The following ELAPOR2 variants were observed in gnomAD, a reference collection of about 807,000 sequenced individuals.
The protein encoded by ELAPOR2 is endosome-lysosome associated apoptosis and autophagy regulator family member 2.
ELAPOR2 carries 89 observed loss-of-function variants against 120.7 expected under a neutral mutation model. The ratio of observed to expected loss-of-function variants is 0.74; its 90% CI spans 0.62 to 0.88. The LOEUF (loss-of-function observed/expected upper bound fraction) is 0.88, where lower values mean the gene tolerates loss of function less well. ELAPOR2 is among the 40% of genes least tolerant of loss of function. The pLI, the probability that ELAPOR2 is intolerant of heterozygous loss-of-function variation, is 0.00. For synonymous variants in ELAPOR2, 444 were observed against 444.9 expected, an observed-to-expected ratio of 1.00 and a Z score of 0.03; for missense variants, 1,134 against 1,251.6, an observed-to-expected ratio of 0.91 and a Z score of 1.42.
In ELAPOR2 at chr7:86,938,274, G is replaced by A; in HGVS notation, c.1001-60C>T. 4 of 1,265,136 alleles carry A rather than the reference G, an allele frequency of 3.2e-6. No individual in the cohort carries two copies. In the Admixed American group the frequency reaches 8.7e-5, roughly 28 times the overall value. 78.4% of individuals were successfully genotyped at this position (1,265,136 alleles called of 1,614,324 possible). ...AATTATTTTGCAACTCTAAGAAAAG[G>A]CAAAAAAGCAAAACAGAAAAAGCAA... On this transcript the variant is annotated intron_variant, in intron 7 of 21. Transcript: ENST00000450689.
chr7:86,973,205 T>C (rs756237017), intron 1 of ELAPOR2, among the ~76,000 whole-genome samples: 1 of 152,180 alleles, frequency 6.6e-6, no homozygotes, highest in East Asian at 1.9e-4. Flanking sequence ...GACTTACCAT[T>C]GGCCTGAGGA....
intron 11 of ELAPOR2, 107 bp downstream of exon 11, chr7:86,919,113 A>C (rs1010671540): frequency 1.5e-6 from 1 of 687,574 alleles, no homozygotes; most frequent in African/African-American, 1.8e-5. Flanking sequence ...TTTACTAAGT[A>C]TTTTTGTAAT....
intron 2 of ELAPOR2, among the ~76,000 whole-genome samples, chr7:86,963,099 C>G (rs1218704613): frequency 3.3e-5 from 5 of 151,946 alleles, no homozygotes; most frequent in Admixed American, 2.0e-4. Context: ...AAAAAATGTC[C>G]CAGCCAAAAG....
chr7:86,984,708 C>A (rs1792647146), intron 1 of ELAPOR2, among the ~76,000 whole-genome samples: 1 of 152,144 alleles, frequency 6.6e-6, no homozygotes, highest in Non-Finnish European at 1.5e-5. Context: ...AAATTTATAG[C>A]ACTAAATGCC....
At chr7:87,014,271 C>T (rs904561270) in intron 1 of ELAPOR2, among the ~76,000 whole-genome samples, 2 of 152,050 alleles carry the variant, frequency 1.3e-5, no homozygotes, top group Non-Finnish European at 2.9e-5. Context: ...AATCTGCTGA[C>T]AAAAATAAGA....
At chr7:86,907,612 CAT>C in intron 18 of ELAPOR2, 56 bp downstream of exon 18, 1 of 1,018,404 alleles carries the variant, frequency 9.8e-7, no homozygotes, top group Non-Finnish European at 1.5e-6. Flanking sequence ...AAAATAGTAA[CAT>C]TCTGGAGAGT....
rs566663716 is a variant in ELAPOR2, at chr7:87,011,756, AT to A, written c.190-46733del. Among the ~76,000 whole-genome samples, 41 of 152,314 alleles carry A rather than the reference AT, an allele frequency of 2.7e-4. No homozygotes were observed. In the South Asian group the frequency reaches 5.2e-3, roughly 19 times the overall value. On this transcript the variant is annotated intron_variant, in intron 1 of 21. Transcript: ENST00000450689. ...TTTCATATTTCTTTACTTTCTAACA[AT>A]ATTAAAGGTATATTTATAGGAGGGG...
At chr7:86,921,513 A>G (rs1789827877) in intron 10 of ELAPOR2, among the ~76,000 whole-genome samples, 1 of 152,066 alleles carries the variant, frequency 6.6e-6, no homozygotes, top group Non-Finnish European at 1.5e-5. Context: ...ATATTCCCCT[A>G]AAGGCTTCAG....
At chr7:87,040,847 A>G (rs919760305) in intron 1 of ELAPOR2, among the ~76,000 whole-genome samples, 32 of 152,154 alleles carry the variant, frequency 2.1e-4, no homozygotes, top group African/African-American at 7.7e-4. Flanking sequence ...CCAAAGGCAA[A>G]GAAGTTGAAA....
At chr7:87,029,063 A>C (rs1794342394) in intron 1 of ELAPOR2, among the ~76,000 whole-genome samples, 1 of 152,170 alleles carries the variant, frequency 6.6e-6, no homozygotes, top group Admixed American at 6.6e-5. Context: ...AGATAGACAC[A>C]CATCCCTATA....
At chr7:86,881,734 G>A (rs1799416224) in intron 21 of ELAPOR2, among the ~76,000 whole-genome samples, 1 of 152,152 alleles carries the variant, frequency 6.6e-6, no homozygotes, top group Non-Finnish European at 1.5e-5. Flanking sequence ...AATTGTTAGA[G>A]AAAGCTTTCT....
At chr7:87,025,844 G>A (rs1350122166) in intron 1 of ELAPOR2, among the ~76,000 whole-genome samples, 2 of 149,194 alleles carry the variant, frequency 1.3e-5, no homozygotes, top group Non-Finnish European at 3.0e-5. Context: ...TATTTTTGAA[G>A]GAGCTAATTA....
At chr7:86,986,084 T>C (rs1157362895) in intron 1 of ELAPOR2, among the ~76,000 whole-genome samples, 3 of 150,692 alleles carry the variant, frequency 2.0e-5, no homozygotes, top group Admixed American at 6.6e-5. Context: ...GAGAAAGAAA[T>C]AAAGGGTATT....
intron 1 of ELAPOR2, among the ~76,000 whole-genome samples, chr7:86,993,246 A>AAAAAAG (rs796528835): frequency 0.044 from 6,355 of 143,826 alleles, 344 homozygotes; most frequent in African/African-American, 0.099. Context: ...AAAAAAAAAA[A>AAAAAAG]AAAAGAAAAA....
intron 1 of ELAPOR2, among the ~76,000 whole-genome samples, chr7:87,005,780 G>T (rs773251348): frequency 5.3e-5 from 8 of 152,132 alleles, no homozygotes; most frequent in Non-Finnish European, 1.2e-4. Context: ...TTCAAGGTGG[G>T]TCATAGGCTT....
At chr7:86,948,022 C>G in intron 2 of ELAPOR2, 100 bp from the exon 3 acceptor site, 1 of 793,266 alleles carries the variant, frequency 1.3e-6, no homozygotes, top group Non-Finnish European at 2.0e-6. Flanking sequence ...TCTGATTGTG[C>G]CACACTCAAA....
chr7:86,909,681 C>T, intron 16 of ELAPOR2, 131 bp downstream of exon 16: 1 of 753,802 alleles, frequency 1.3e-6, no homozygotes, highest in Admixed American at 2.9e-5. Flanking sequence ...AACCATCTTA[C>T]AAAGTGACAA....
chr7:86,938,429 C>T (rs1790656693), intron 7 of ELAPOR2, among the ~76,000 whole-genome samples: 2 of 152,008 alleles, frequency 1.3e-5, no homozygotes, highest in Admixed American at 1.3e-4. Flanking sequence ...AGTAGTATAT[C>T]ACAGTTTTTC....
At position 87,036,301 on chromosome 7, in the gene ELAPOR2, C is replaced by T. The variant is rs73198585; in HGVS notation, c.189+23024G>A. Reference sequence around the variant, plus strand: ...CCAGCCTGGGCAACAGGGTGAAACCCTGTCTATACAAAATAATAATAATAA... The same window carrying T: ...CCAGCCTGGGCAACAGGGTGAAACCTTGTCTATACAAAATAATAATAATAA... On this transcript the variant is annotated intron_variant, in intron 1 of 21. Transcript: ENST00000450689. Among the ~76,000 whole-genome samples the T allele has an allele frequency of 4.9e-3, 743 of 151,948 alleles. 4 individuals are homozygous for T. Among genetic ancestry groups the T allele is most frequent in the Non-Finnish European group, 7.6e-3 (518 of 67,876 alleles).
Sources: allele counts gnomAD v4.1 joint callset (sites outside exome capture counted in the v4.1 genomes callset), GRCh38; gene constraint gnomAD v4.1.1; transcripts MANE v1.5; gene names NCBI Gene and HGNC (gene_info 2026-07-23, HGNC 2026-07-21).